The following CDT1 variants were observed in gnomAD, a reference collection of about 807,000 sequenced individuals.
CDT1 encodes chromatin licensing and DNA replication factor 1.
CDT1 carries 66 observed loss-of-function variants against 49.3 expected under a neutral mutation model. The observed-to-expected ratio is 1.34, with a 90% CI of 1.10 to 1.64. The LOEUF (loss-of-function observed/expected upper bound fraction) is 1.64. Among genes scored for constraint, CDT1 ranks in the 40% most tolerant of loss-of-function variants. The pLI, the probability that CDT1 is intolerant of heterozygous loss-of-function variation, is 0.00. For synonymous variants in CDT1, 424 were observed against 347.4 expected, an observed-to-expected ratio of 1.22 and a Z score of -2.45; for missense variants, 958 against 807.7, an observed-to-expected ratio of 1.19 and a Z score of -2.26.
Position 88,806,066 on chromosome 16 carries a change from A to AG in CDT1, c.879dup (p.Arg294AlafsTer46). 5 of 1,601,384 alleles carry AG rather than the reference A, an allele frequency of 3.1e-6. No homozygotes were observed. The highest frequency in any genetic ancestry group is 4.2e-6 in the Non-Finnish European group (5 of 1,177,540). ...CAGCTCACGGCCTCGCGCCTCCTGC[A>AG]GCGACGGCAGATCTTCAGCCAGAAG... On this transcript the variant is annotated frameshift_variant, in exon 6 of 10. Transcript: ENST00000301019. LOFTEE classifies it high-confidence loss of function.
Position 88,806,046 on chromosome 16 carries a change from C to T in CDT1, c.858C>T (p.Leu286=), listed in dbSNP as rs1908843566. Residue 286 remains leucine (L), a synonymous_variant, in exon 6 of 10, where the codon CTC becomes CTT. Transcript: ENST00000301019. ...AGGCTGACGGAGCAGCCCCCCAGCT[C>T]ACGGCCTCGCGCCTCCTGCAGCGAC... The part of the protein sequence containing the change: ...EQEADGAAPQ[L]TASRLLQRRQ... 1 of 1,594,408 alleles carries T rather than the reference C, an allele frequency of 6.3e-7. No homozygotes were observed. The highest frequency in any genetic ancestry group is 8.5e-7 in the Non-Finnish European group (1 of 1,174,142).
At position 88,804,035 on chromosome 16, in the gene CDT1, G is replaced by A; in HGVS notation, c.204G>A (p.Arg68=). Residue 68 remains arginine, a synonymous_variant, in exon 1 of 10, where the codon AGG becomes AGA. Transcript: ENST00000301019. ...ACCAGGCCAGGCCACCGGCCCGCAG[G>A]AGACTGCGGCTGTCGGTGGACGAGG... The part of the protein sequence containing the change: ...GRDQARPPAR[R]RLRLSVDEVS... 6.9e-7 allele frequency: 1 copy of A among 1,456,996 alleles called. No homozygotes were observed. 90.3% of individuals were successfully genotyped at this position (1,456,996 alleles called of 1,614,324 possible).
At chr16:88,805,703 G>T (rs2142943531) in intron 4 of CDT1, 21 bp from the exon 5 acceptor site, 2 of 1,612,738 alleles carry the variant, frequency 1.2e-6, no homozygotes, top group East Asian at 4.5e-5. Context: ...TGCCTCCTGA[G>T]CCGCCCCCAT....
rs753153549 is a variant in CDT1, at chr16:88,803,829, G to T, written c.-3G>T. The stretch of plus-strand genomic sequence containing the variant: ...CCTTGCTTTCGCCGCGCACTCCGCC[G>T]CCATGGAGCAGCGCCGCGTCACCGA... On this transcript the variant is annotated 5_prime_UTR_variant, in exon 1 of 10. Coordinates refer to ENST00000301019, the MANE Select transcript of CDT1 (RefSeq NM_030928.4). The T allele has an allele frequency of 6.6e-7, 1 of 1,514,870 alleles. No homozygotes were observed. Among genetic ancestry groups the T allele is most frequent in the South Asian group, 1.2e-5 (1 of 86,904 alleles). 93.8% of individuals were successfully genotyped at this position (1,514,870 alleles called of 1,614,324 possible).
intron 3 of CDT1, 117 bp downstream of exon 3, chr16:88,805,015 G>A (rs1409248785): frequency 7.3e-7 from 1 of 1,373,154 alleles, no homozygotes. Context: ...TGGTGGTGAG[G>A]TCACCAGGGC....
At chr16:88,804,697 G>A in intron 2 of CDT1, 30 bp downstream of exon 2, 2 of 1,612,312 alleles carry the variant, frequency 1.2e-6, no homozygotes, top group Non-Finnish European at 1.7e-6. Context: ...GCAGATGCGG[G>A]AGGGCTGAGT....
intron 7 of CDT1, 35 bp from the exon 8 acceptor site, chr16:88,807,016 T>C (rs1035616822): frequency 2.5e-6 from 4 of 1,612,508 alleles, no homozygotes; most frequent in African/African-American, 2.7e-5. Flanking sequence ...CGTTGCATCT[T>C]GTGACCTCTC....
Position 88,808,396 on chromosome 16 carries a change from G to A in CDT1, c.*118G>A, listed in dbSNP as rs956629610. 1.6e-6 allele frequency: 2 copies of A among 1,233,228 alleles called. No individual in the cohort carries two copies. The allele number at this position is 1,233,228 out of a possible 1,614,324, so 76.4% of individuals were successfully genotyped here. A position where few individuals can be genotyped will look rare whatever the true frequency, so the allele number is the denominator to read the frequency against. On this transcript the variant is annotated 3_prime_UTR_variant, in exon 10 of 10. Transcript: ENST00000301019. Reference sequence around the variant, plus strand: ...CTTCCTTTCCCCAGCGCCCCTGAGGGCCAGAGGCAGATGTGGGCTGCAGGC... The same window carrying A: ...CTTCCTTTCCCCAGCGCCCCTGAGGACCAGAGGCAGATGTGGGCTGCAGGC...
chr16:88,805,055 C>T (rs1018457949), intron 3 of CDT1, among the ~76,000 whole-genome samples, 157 bp downstream of exon 3: 11 of 152,232 alleles, frequency 7.2e-5, no homozygotes, highest in African/African-American at 1.9e-4. Context: ...AAAAAGGTCC[C>T]GGGCACTGCT....
In CDT1 at chr16:88,805,514, A is replaced by T; in HGVS notation, c.563A>T (p.Tyr188Phe). 6.2e-7 allele frequency: 1 copy of T among 1,612,880 alleles called. No homozygotes were observed. The highest frequency in any genetic ancestry group is 8.5e-7 in the Non-Finnish European group (1 of 1,179,946). The change falls in exon 4 of 10, where the codon TAC becomes TTC. Residue 188 changes from tyrosine (Y) to phenylalanine (F), a missense_variant. Coordinates refer to ENST00000301019, the MANE Select transcript of CDT1 (RefSeq NM_030928.4). The stretch of plus-strand genomic sequence containing the variant: ...GGCCTGCCGGGACTCGTGCTGCCCT[A>T]CAAGTACCAGGTGCTGGCGGAGATG... ...QPGLPGLVLP[Y>F]KYQVLAEMFR...
intron 9 of CDT1, among the ~76,000 whole-genome samples, chr16:88,807,737 C>T (rs1285061616): frequency 1.3e-5 from 2 of 152,206 alleles, no homozygotes; most frequent in Non-Finnish European, 2.9e-5. Flanking sequence ...CTTTCCCTGA[C>T]CACCTGCAGT....
intron 9 of CDT1, 116 bp from the exon 10 acceptor site, chr16:88,807,999 G>A (rs1312517094): frequency 2.6e-6 from 3 of 1,148,878 alleles, no homozygotes; most frequent in Non-Finnish European, 3.8e-6. Context: ...CCTGGTGATG[G>A]GGCCCTGAGG....
At chr16:88,806,340 G>GCT in intron 6 of CDT1, 146 bp from the exon 7 acceptor site, 1 of 1,119,664 alleles carries the variant, frequency 8.9e-7, no homozygotes, top group Non-Finnish European at 1.3e-6. Flanking sequence ...GAGGCCTTGT[G>GCT]CTCTCCCTCC....
chr16:88,806,765 C>A (rs1255448300), intron 7 of CDT1, 91 bp downstream of exon 7: 2 of 1,463,166 alleles, frequency 1.4e-6, no homozygotes, highest in Non-Finnish European at 1.9e-6. Flanking sequence ...TGGTGATGAG[C>A]TTGACGCCTC....
Position 88,808,095 on chromosome 16 carries a change from G to A in CDT1, c.1478-20G>A. 3 of 1,610,822 alleles carry A rather than the reference G, an allele frequency of 1.9e-6. No individual in the cohort carries two copies. Among genetic ancestry groups the A allele is most frequent in the Non-Finnish European group, 2.5e-6 (3 of 1,179,198 alleles). ...GCTGGGGCCCAGCACCAGCCTCAGTGTCCTCCTCTCCTCCCCCAGGGGAAA... is the reference window on the plus strand; with the variant it reads ...GCTGGGGCCCAGCACCAGCCTCAGTATCCTCCTCTCCTCCCCCAGGGGAAA... On this transcript the variant is annotated intron_variant, in intron 9 of 9. Transcript: ENST00000301019.
At position 88,807,470 on chromosome 16, in the gene CDT1, A is replaced by G. The variant is rs550557201; in HGVS notation, c.1465A>G (p.Ile489Val). Residue 489 changes from isoleucine to valine, a missense_variant, in exon 9 of 10, where the codon ATC becomes GTC. Physicochemically the swap from Ile to Val is conservative, Grantham distance 29 (BLOSUM62 3). Coordinates refer to ENST00000301019, the MANE Select transcript of CDT1 (RefSeq NM_030928.4). Reference protein sequence around the residue: ...CARMVGSCCTIMSPGEMEKHL... With the variant: ...CARMVGSCCTVMSPGEMEKHL... ...CAGGATGGTGGGCAGCTGTTGTACT[A>G]TCATGAGCCCTGGTACGTGCAGGGC... The G allele has an allele frequency of 2.9e-5, 47 of 1,613,026 alleles. No individual in the cohort carries two copies. Among genetic ancestry groups the G allele is most frequent in the African/African-American group, 2.8e-4 (21 of 75,048 alleles).
chr16:88,805,831 C>A lies in CDT1; in HGVS notation c.794C>A (p.Ser265Ter), dbSNP rs746885766. The stretch of plus-strand genomic sequence containing the variant: ...ACCTTCAAGGATGGCACCAGGAGGT[C>A]AGATTACCAGCTCACCATCGAGCCA... ...VPTFKDGTRR[S>*]DYQLTIEPLL... Residue 265 changes from serine to a stop codon, truncating the protein, a stop_gained, in exon 5 of 10, where the codon TCA (serine) becomes TAA (stop). Transcript: ENST00000301019. LOFTEE classifies it high-confidence loss of function. The A allele has an allele frequency of 6.2e-7, 1 of 1,613,080 alleles. No individual in the cohort carries two copies. The highest frequency in any genetic ancestry group is 8.5e-7 in the Non-Finnish European group (1 of 1,179,980).
At chr16:88,808,023 C>A in intron 9 of CDT1, 92 bp from the exon 10 acceptor site, 1 of 1,420,134 alleles carries the variant, frequency 7.0e-7, no homozygotes, top group Non-Finnish European at 9.8e-7. Context: ...ACCAGGCAGG[C>A]ACAGAGGTTG....
Position 88,806,501 on chromosome 16 carries a change from C to G in CDT1, c.949C>G (p.Leu317Val), listed in dbSNP as rs780841230. 2 of 1,610,674 alleles carry G rather than the reference C, an allele frequency of 1.2e-6. No homozygotes were observed. Among genetic ancestry groups the G allele is most frequent in the Non-Finnish European group, 1.7e-6 (2 of 1,179,092 alleles). Residue 317 changes from leucine to valine, a missense_variant, in exon 7 of 10, where the codon CTG (leucine) becomes GTG (valine). Physicochemically the swap from Leu to Val is conservative, Grantham distance 32. Transcript: ENST00000301019. ...TTCTCCCCAGGCCTTCCTGGCCTCC[C>G]TGAGCCCCGCCATGGTGGTGCCGGA... is the stretch of plus-strand genomic sequence containing the variant. Reference protein sequence around the residue: ...KEHHKAFLASLSPAMVVPEDQ... With the variant: ...KEHHKAFLASVSPAMVVPEDQ...
Sources: gnomAD v4.1 joint callset for allele counts (sites outside exome capture counted in the v4.1 genomes callset) on GRCh38, gnomAD v4.1.1 for gene constraint, MANE v1.5 for transcripts, NCBI Gene and HGNC (gene_info 2026-07-23, HGNC 2026-07-21) for gene names.